Variants in MDFIC observed in about 807,000 individuals in gnomAD.
The protein encoded by MDFIC is myoD family inhibitor domain-containing protein.
In MDFIC, 17 loss-of-function variants were observed where a neutral mutation model predicts 23.2. That is an observed-to-expected ratio of 0.73 (90% CI 0.50 to 1.10). The LOEUF (loss-of-function observed/expected upper bound fraction) is 1.10. Among genes scored for constraint, MDFIC ranks in the 50% least tolerant of loss-of-function variants. The pLI is 0.00. For synonymous variants in MDFIC, 120 were observed against 115.2 expected (o/e 1.04, Z -0.27); for missense variants, 356 against 316.6 (o/e 1.12, Z -0.95).
intron 3 of MDFIC, among the ~76,000 whole-genome samples, chr7:114,972,753 C>T (rs35316789): frequency 0.026 from 3,881 of 152,100 alleles, 95 homozygotes; most frequent in South Asian, 0.11. Flanking sequence ...TGTAGCCTCC[C>T]GTGTACAGGC....
At position 114,932,918 on chromosome 7, in the gene MDFIC, G is replaced by T. The variant is rs547512338; in HGVS notation, c.95-9357G>T. 2.6e-5 allele frequency among the ~76,000 whole-genome samples: 4 copies of T among 152,252 alleles called. No homozygotes were observed. In the East Asian group the frequency reaches 7.7e-4, roughly 29 times the overall value. ...TTACAATTATCTTATTTGTGCCTTT[G>T]CCACTATTTGGAAAGCTCTTCTCTG... On this transcript the variant is annotated intron_variant, in intron 2 of 4. Transcript: ENST00000393486.
At chr7:114,930,916 C>T (rs1029393338) in intron 2 of MDFIC, among the ~76,000 whole-genome samples, 1 of 152,184 alleles carries the variant, frequency 6.6e-6, no homozygotes. Context: ...TCTGTACTGA[C>T]TAGATTCTAG....
intron 4 of MDFIC, among the ~76,000 whole-genome samples, chr7:115,005,227 G>T (rs1346441026): frequency 6.6e-6 from 1 of 152,186 alleles, no homozygotes; most frequent in Non-Finnish European, 1.5e-5. Context: ...TAGTGACAGA[G>T]CCAAGACCAG....
chr7:115,012,084 C>T (rs1286359308), intron 4 of MDFIC, among the ~76,000 whole-genome samples: 1 of 152,200 alleles, frequency 6.6e-6, no homozygotes, highest in Middle Eastern at 3.2e-3. Flanking sequence ...CCTTCCTCAC[C>T]TTAAACTCTC....
At chr7:114,993,948 G>A (rs559529877) in intron 4 of MDFIC, among the ~76,000 whole-genome samples, 1 of 152,238 alleles carries the variant, frequency 6.6e-6, no homozygotes, top group East Asian at 1.9e-4. Context: ...TGACAGTGGG[G>A]TGTTAAGGTC....
chr7:114,946,362 C>A (rs935874019), intron 3 of MDFIC, among the ~76,000 whole-genome samples: 2 of 152,026 alleles, frequency 1.3e-5, no homozygotes, highest in Admixed American at 1.3e-4. Context: ...CTTTGTTCCT[C>A]TTTATAAAGT....
At chr7:115,014,083 A>T in intron 4 of MDFIC, 3 of 985,342 alleles carry the variant, frequency 3.0e-6, no homozygotes, top group Non-Finnish European at 3.6e-6. Context: ...CCTTTTGAGT[A>T]CTCTCTGACC....
At chr7:114,999,752 CA>C (rs1022458255) in intron 4 of MDFIC, among the ~76,000 whole-genome samples, 1 of 111,916 alleles carries the variant, frequency 8.9e-6, no homozygotes, top group African/African-American at 3.2e-5. Flanking sequence ...ACCTCCAGCT[CA>C]GGGGTCCTTA....
chr7:114,922,752 G>C, intron 1 of MDFIC, 116 bp downstream of exon 1: 1 of 1,311,204 alleles, frequency 7.6e-7, no homozygotes, highest in Non-Finnish European at 1.0e-6. Flanking sequence ...CGGACCCCTG[G>C]GACCCCGCCG....
At chr7:115,002,817 C>T (rs1046173165) in intron 4 of MDFIC, among the ~76,000 whole-genome samples, 2 of 152,150 alleles carry the variant, frequency 1.3e-5, no homozygotes, top group East Asian at 1.9e-4. Context: ...TTTCTGCATT[C>T]GGTTTGAAGT....
intron 4 of MDFIC, among the ~76,000 whole-genome samples, chr7:115,006,573 T>G (rs931948316): frequency 6.6e-6 from 1 of 152,156 alleles, no homozygotes; most frequent in Admixed American, 6.5e-5. Context: ...CAAGGACAAA[T>G]GAAAAGAGAT....
At chr7:114,938,466 T>C (rs773343917) in intron 2 of MDFIC, among the ~76,000 whole-genome samples, 5 of 152,206 alleles carry the variant, frequency 3.3e-5, no homozygotes, top group Admixed American at 6.5e-5. Flanking sequence ...TCACTTAGAA[T>C]AGTGCCCCTC....
intron 3 of MDFIC, among the ~76,000 whole-genome samples, chr7:114,979,284 T>C (rs1314654152): frequency 6.6e-6 from 1 of 152,148 alleles, no homozygotes. Context: ...TTTATATCCT[T>C]GTACAAACCC....
chr7:114,975,233 G>A (rs960616599), intron 3 of MDFIC, among the ~76,000 whole-genome samples: 6 of 152,006 alleles, frequency 3.9e-5, no homozygotes, highest in African/African-American at 1.4e-4. Flanking sequence ...TGATTATGTA[G>A]TACAAAATGC....
rs752527353 is a variant in MDFIC, at chr7:114,979,542, C to T, written c.254C>T (p.Ala85Val). ...CGCTTGCCTCAGCTTCAGACTTCAG[C>T]CCAGGTGCCAAGTGGTGAGGAAATA... The part of the protein sequence containing the change: ...PQRLPQLQTS[A>V]QVPSGEEIGK... Residue 85 changes from alanine (A) to valine (V), a missense_variant, in exon 4 of 5, where the codon GCC (alanine) becomes GTC (valine). Ala to Val is a moderately conservative substitution (Grantham distance 64). Transcript: ENST00000393486. The T allele has an allele frequency of 2.2e-5, 35 of 1,613,854 alleles. 1 individual carries two copies. The South Asian group carries it at 3.4e-4, about 16-fold the overall frequency.
chr7:114,979,708 T>A lies in MDFIC; in HGVS notation c.420T>A (p.Ser140=), dbSNP rs1172674083. The A allele has an allele frequency of 1.2e-6, 2 of 1,614,134 alleles. No individual in the cohort carries two copies. Among genetic ancestry groups the A allele is most frequent in the South Asian group, 2.2e-5 (2 of 91,086 alleles). The stretch of plus-strand genomic sequence containing the variant: ...ATAGAAAAATTCAGTCCAGCTTGTC[T>A]GTAAACAGCGATATCAGTAAGAAGA... ...KMHRKIQSSL[S]VNSDISKKSK... is the part of the protein sequence containing the mutation. Residue 140 remains serine (S), a synonymous_variant, in exon 4 of 5, where the codon TCT becomes TCA. Coordinates refer to ENST00000393486, the MANE Select transcript of MDFIC (RefSeq NM_001166345.3).
At chr7:114,994,513 C>A (rs1375752433) in intron 4 of MDFIC, among the ~76,000 whole-genome samples, 1 of 152,126 alleles carries the variant, frequency 6.6e-6, no homozygotes, top group Non-Finnish European at 1.5e-5. Flanking sequence ...ATGTTTAGTG[C>A]TTCCTTCAGG....
chr7:114,966,587 A>G (rs1210191147), intron 3 of MDFIC, among the ~76,000 whole-genome samples: 2 of 152,182 alleles, frequency 1.3e-5, no homozygotes, highest in Non-Finnish European at 2.9e-5. Context: ...CAGTCACATG[A>G]CTACAGCTCC....
chr7:114,974,774 C>A (rs1422919299), intron 3 of MDFIC, among the ~76,000 whole-genome samples: 6 of 151,960 alleles, frequency 3.9e-5, no homozygotes, highest in African/African-American at 1.4e-4. Context: ...ATTTATTATT[C>A]TTATTGAAAA....
Sources: gnomAD v4.1 joint callset for allele counts (sites outside exome capture counted in the v4.1 genomes callset) on GRCh38, gnomAD v4.1.1 for gene constraint, MANE v1.5 for transcripts, NCBI Gene and HGNC (gene_info 2026-07-23, HGNC 2026-07-21) for gene names.